The following ANO6 variants were observed in gnomAD, a reference collection of about 807,000 sequenced individuals.
ANO6 encodes the protein anoctamin 6, also known as anoctamin-6.
In ANO6, 106 loss-of-function variants were observed where a neutral mutation model predicts 117.5. That is an observed-to-expected ratio of 0.90 (90% CI 0.77 to 1.06). The LOEUF is 1.06. Among genes scored for constraint, ANO6 ranks in the 50% least tolerant of loss-of-function variants. The probability of loss-of-function intolerance (pLI) is 0.00; values close to 1 mark genes in which losing one functional copy is unlikely to be tolerated. For missense variants in ANO6, 955 were observed against 1,121.1 expected (o/e 0.85, Z 2.12); for synonymous variants, 367 against 385.1 (o/e 0.95, Z 0.55).
At chr12:45,230,522 T>C (rs1329376361) in intron 1 of ANO6, among the ~76,000 whole-genome samples, 1 of 151,104 alleles carries the variant, frequency 6.6e-6, no homozygotes, top group Admixed American at 6.6e-5. Context: ...TGCATGGTCA[T>C]TGTAAAACAA....
rs1010016191 is a variant in ANO6, at chr12:45,237,227, G to T, written c.70+20836G>T. On this transcript the variant is annotated intron_variant, in intron 1 of 19. Coordinates refer to ENST00000320560, the MANE Select transcript of ANO6 (RefSeq NM_001025356.3). ...TTCACTGTGCAGAAGCTCTTTAGTTGAATTAGATCCCATTTGTCTATTTTG... is the reference window on the plus strand; with the variant it reads ...TTCACTGTGCAGAAGCTCTTTAGTTTAATTAGATCCCATTTGTCTATTTTG... 5.9e-5 allele frequency among the ~76,000 whole-genome samples: 9 copies of T among 152,246 alleles called. No homozygotes were observed. In the East Asian group the frequency reaches 1.4e-3, roughly 23 times the overall value.
At chr12:45,293,914 A>G (rs1240008663) in intron 1 of ANO6, among the ~76,000 whole-genome samples, 3 of 152,020 alleles carry the variant, frequency 2.0e-5, no homozygotes, top group African/African-American at 7.2e-5. Flanking sequence ...CAATAATGCA[A>G]TGATTTTTTG....
At chr12:45,419,174 T>G (rs943186003) in intron 17 of ANO6, among the ~76,000 whole-genome samples, 3 of 152,220 alleles carry the variant, frequency 2.0e-5, no homozygotes, top group Non-Finnish European at 2.9e-5. Context: ...TTTAATTTAT[T>G]TTTATATAAA....
At chr12:45,281,100 CAA>C (rs1471241413) in intron 1 of ANO6, among the ~76,000 whole-genome samples, 2 of 151,952 alleles carry the variant, frequency 1.3e-5, no homozygotes, top group South Asian at 2.1e-4. Context: ...AATATGAATA[CAA>C]GTTTCATCTT....
At chr12:45,289,739 G>A (rs1217644024) in intron 1 of ANO6, among the ~76,000 whole-genome samples, 1 of 152,170 alleles carries the variant, frequency 6.6e-6, no homozygotes, top group Non-Finnish European at 1.5e-5. Flanking sequence ...GATGATTAGA[G>A]GAAATGAGAC....
chr12:45,399,905 AAG>A (rs1942738254), intron 12 of ANO6, among the ~76,000 whole-genome samples: 1 of 152,222 alleles, frequency 6.6e-6, no homozygotes, highest in Non-Finnish European at 1.5e-5. Flanking sequence ...CTTGAGGAAA[AAG>A]AATAAAAAGC....
chr12:45,293,729 G>GGTTTTTT (rs1349910751), intron 1 of ANO6, among the ~76,000 whole-genome samples: 1 of 48,418 alleles, frequency 2.1e-5, no homozygotes. Context: ...CCTGGCTAAT[G>GGTTTTTT]TTTTTTTTTT....
rs1240470353 is a variant in ANO6, at chr12:45,414,565, CCT to C, written c.2012-2133_2012-2132del. ...ATTTGCATCTCCTCTTAAAATTCAC[CCT>C]GGTTAATTCATACTATCTATTCATA... On this transcript the variant is annotated intron_variant, in intron 16 of 19. Coordinates refer to ENST00000320560, the MANE Select transcript of ANO6 (RefSeq NM_001025356.3). Among the ~76,000 whole-genome samples the C allele has an allele frequency of 7.2e-5, 11 of 152,132 alleles. No homozygotes were observed. In the East Asian group the frequency reaches 1.9e-3, roughly 27 times the overall value.
chr12:45,338,134 G>C (rs1025991965), intron 3 of ANO6, among the ~76,000 whole-genome samples: 1 of 152,020 alleles, frequency 6.6e-6, no homozygotes, highest in African/African-American at 2.4e-5. Context: ...CTTCTTAGTT[G>C]CCAAAGAATA....
At chr12:45,263,620 CTT>C (rs1938119884) in intron 1 of ANO6, among the ~76,000 whole-genome samples, 1 of 152,072 alleles carries the variant, frequency 6.6e-6, no homozygotes, top group African/African-American at 2.4e-5. Flanking sequence ...CCTCTCCTAA[CTT>C]TTTATAGATG....
chr12:45,395,690 T>C (rs529934266), intron 12 of ANO6, among the ~76,000 whole-genome samples: 1 of 152,190 alleles, frequency 6.6e-6, no homozygotes, highest in South Asian at 2.1e-4. Context: ...GTTCAACATA[T>C]GCAAATCAAT....
chr12:45,349,839 G>T (rs905068343), intron 6 of ANO6, among the ~76,000 whole-genome samples: 9 of 152,210 alleles, frequency 5.9e-5, no homozygotes, highest in African/African-American at 9.7e-5. Context: ...AACAGGACAT[G>T]AATTTTGAGG....
At chr12:45,390,325 T>A (rs1942409227) in intron 11 of ANO6, 96 bp from the exon 12 acceptor site, 1 of 1,062,150 alleles carries the variant, frequency 9.4e-7, no homozygotes. Flanking sequence ...ACTAATTTTT[T>A]AAAATTAATT....
chr12:45,320,599 A>C (rs923091364), intron 2 of ANO6, among the ~76,000 whole-genome samples: 1 of 152,078 alleles, frequency 6.6e-6, no homozygotes, highest in Admixed American at 6.6e-5. Context: ...TATTCTGTTG[A>C]TTTGGGGTGG....
chr12:45,350,956 ACCCATCT>A (rs1220994054), intron 7 of ANO6, among the ~76,000 whole-genome samples, 182 bp downstream of exon 7: 1 of 152,160 alleles, frequency 6.6e-6, no homozygotes, highest in Non-Finnish European at 1.5e-5. Context: ...TTGAATCATT[ACCCATCT>A]CCAGTATCAT....
intron 1 of ANO6, among the ~76,000 whole-genome samples, chr12:45,259,470 G>T (rs1033188176): frequency 6.6e-6 from 1 of 152,206 alleles, no homozygotes; most frequent in Non-Finnish European, 1.5e-5. Flanking sequence ...AAGGTGAGAT[G>T]TAGAGGATAG....
intron 3 of ANO6, among the ~76,000 whole-genome samples, chr12:45,343,985 T>C (rs924171714): frequency 6.6e-6 from 1 of 152,134 alleles, no homozygotes; most frequent in Admixed American, 6.6e-5. Context: ...CGAGTGCCAG[T>C]AGCTGAATTT....
intron 2 of ANO6, among the ~76,000 whole-genome samples, chr12:45,321,074 T>C (rs1292108219): frequency 6.6e-6 from 1 of 152,128 alleles, no homozygotes; most frequent in East Asian, 1.9e-4. Flanking sequence ...CTTTATCCAA[T>C]TTGCCAGTCT....
chr12:45,264,922 G>A (rs1938164579), intron 1 of ANO6, among the ~76,000 whole-genome samples: 1 of 152,158 alleles, frequency 6.6e-6, no homozygotes. Context: ...TGGTAATTGT[G>A]CAGTTGGAAA....
Sources: allele counts gnomAD v4.1 joint callset (sites outside exome capture counted in the v4.1 genomes callset), GRCh38; gene constraint gnomAD v4.1.1; transcripts MANE v1.5; gene names NCBI Gene and HGNC (gene_info 2026-07-23, HGNC 2026-07-21).